Variants in DAB1 observed in about 807,000 individuals in gnomAD.
DAB1 encodes the protein DAB adaptor protein 1.
In DAB1, 15 loss-of-function variants were observed where a neutral mutation model predicts 64.6. The observed-to-expected ratio is 0.23, with a 90% confidence interval of 0.16 to 0.36. The LOEUF is 0.36. Ranked by LOEUF, DAB1 falls within the 10% of genes least tolerant of loss-of-function variation. The pLI is 1.00. For synonymous variants in DAB1, 235 were observed against 251.9 expected, an observed-to-expected ratio of 0.93 and a Z score of 0.64; for missense variants, 596 against 706.7, an observed-to-expected ratio of 0.84 and a Z score of 1.78.
chr1:58,407,581 A>ACAG, intron 3 of DAB1, among the ~76,000 whole-genome samples: 2 of 152,264 alleles, frequency 1.3e-5, no homozygotes, highest in African/African-American at 4.8e-5. Flanking sequence ...TAAGTATCCC[A>ACAG]CAGTGCACAA....
At chr1:57,386,999 G>A (rs1681924734) in intron 1 of DAB1, 1 of 152,094 alleles carries the variant, frequency 6.6e-6, no homozygotes, top group Non-Finnish European at 1.5e-5. Flanking sequence ...TCTCAGCAGT[G>A]GAATCAGCAT....
At chr1:58,074,065 T>C (rs1235539152) in intron 5 of DAB1, among the ~76,000 whole-genome samples, 1 of 152,198 alleles carries the variant, frequency 6.6e-6, no homozygotes, top group African/African-American at 2.4e-5. Context: ...TCTGGACTTC[T>C]CAAATACATG....
chr1:57,904,919 T>C (rs1644528718), intron 5 of DAB1, among the ~76,000 whole-genome samples: 1 of 152,078 alleles, frequency 6.6e-6, no homozygotes, highest in Non-Finnish European at 1.5e-5. Context: ...ACAAGAATGA[T>C]AGAACTGAAT....
At chr1:57,660,726 C>T (rs1646376768) in intron 6 of DAB1, among the ~76,000 whole-genome samples, 1 of 152,206 alleles carries the variant, frequency 6.6e-6, no homozygotes. Flanking sequence ...AGCCACTTTG[C>T]TGGGGCCACC....
chr1:57,674,418 T>C (rs2101688029), intron 6 of DAB1, among the ~76,000 whole-genome samples: 1 of 152,326 alleles, frequency 6.6e-6, no homozygotes, highest in South Asian at 2.1e-4. Flanking sequence ...CATGAGCTTC[T>C]TTGGCAAGCA....
Position 57,423,912 on chromosome 1 carries a change from G to C in DAB1, c.-137+18C>G, listed in dbSNP as rs904400560. ...GCGCTGAACTCAAGGGTTGCCGCGC[G>C]CCCCCGCCGCGCCTCACCTCGCCTA... is the stretch of plus-strand genomic sequence containing the variant. On this transcript the variant is annotated intron_variant, in intron 1 of 14. Coordinates refer to ENST00000371236, the MANE Select transcript of DAB1 (RefSeq NM_001365792.1). 1 of 151,712 alleles carries C rather than the reference G, an allele frequency of 6.6e-6. No homozygotes were observed. Among genetic ancestry groups the C allele is most frequent in the Non-Finnish European group, 1.5e-5 (1 of 67,832 alleles). 9.4% of individuals were successfully genotyped at this position (151,712 alleles called of 1,614,324 possible).
chr1:58,248,526 C>T (rs1660656560), intron 4 of DAB1, among the ~76,000 whole-genome samples: 1 of 152,046 alleles, frequency 6.6e-6, no homozygotes, highest in African/African-American at 2.4e-5. Flanking sequence ...CTGGGAACAC[C>T]TCTAGATTTT....
intron 7 of DAB1, among the ~76,000 whole-genome samples, chr1:57,598,725 C>T (rs562082124): frequency 6.6e-6 from 1 of 152,042 alleles, no homozygotes; most frequent in South Asian, 2.1e-4. Context: ...AGAAAGCTTC[C>T]GAGAGACAGT....
At chr1:57,067,678 G>A (rs566944352) in intron 8 of DAB1, among the ~76,000 whole-genome samples, 1 of 152,020 alleles carries the variant, frequency 6.6e-6, no homozygotes, top group Non-Finnish European at 1.5e-5. Context: ...ACAGAAAAGG[G>A]TCTTGCCTGA....
chr1:58,379,851 C>T (rs1421129709), intron 3 of DAB1, among the ~76,000 whole-genome samples: 1 of 152,154 alleles, frequency 6.6e-6, no homozygotes, highest in Admixed American at 6.5e-5. Context: ...CAGTATTTTT[C>T]TCCCCATCTT....
At chr1:57,823,016 A>G (rs1351329712), downstream of DAB1, among the ~76,000 whole-genome samples, 1 of 138,004 alleles carries the variant, frequency 7.2e-6, no homozygotes, top group Non-Finnish European at 1.5e-5. Flanking sequence ...ATGGAGTCTC[A>G]CTCTGTCACC....
At chr1:57,230,688 T>G (rs554709764) in intron 2 of DAB1, among the ~76,000 whole-genome samples, 1 of 152,092 alleles carries the variant, frequency 6.6e-6, no homozygotes, top group South Asian at 2.1e-4. Flanking sequence ...GACACATATA[T>G]ATAATGTGTA....
At chr1:57,506,502 A>T in intron 7 of DAB1, among the ~76,000 whole-genome samples, 1 of 152,244 alleles carries the variant, frequency 6.6e-6, no homozygotes, top group East Asian at 1.9e-4. Context: ...GCATAAATTT[A>T]CTGAATCAGT....
At chr1:58,298,614 G>A (rs1341868454) in intron 4 of DAB1, among the ~76,000 whole-genome samples, 1 of 152,222 alleles carries the variant, frequency 6.6e-6, no homozygotes, top group Admixed American at 6.5e-5. Context: ...AGGTCTGGAT[G>A]CAATTTGTCA....
At chr1:58,054,454 T>G (rs1163027904) in intron 5 of DAB1, among the ~76,000 whole-genome samples, 1 of 152,210 alleles carries the variant, frequency 6.6e-6, no homozygotes, top group Non-Finnish European at 1.5e-5. Context: ...AGATACTCTA[T>G]TTAAAAGCAT....
chr1:57,871,497 G>T (rs1039212404), intron 1 of DAB1, among the ~76,000 whole-genome samples: 3 of 152,136 alleles, frequency 2.0e-5, no homozygotes, highest in African/African-American at 7.2e-5. Flanking sequence ...TCATCTGATT[G>T]TAGAACCTGC....
rs185387351 is a variant in DAB1, at chr1:57,752,786, C to G, written n.552-103121G>C. ...CTTAACATCTGATAAACTGAAGTAACAGAATCTAATTTATACAGTTCTTGT... is the reference window on the plus strand; with the variant it reads ...CTTAACATCTGATAAACTGAAGTAAGAGAATCTAATTTATACAGTTCTTGT... On this transcript the variant is annotated intron_variant and non_coding_transcript_variant, in intron 6 of 20. Coordinates refer to the DAB1 transcript ENST00000485760. Among the ~76,000 whole-genome samples, 408 of 152,260 alleles carry G rather than the reference C, an allele frequency of 2.7e-3. 1 individual carries two copies. The highest frequency in any genetic ancestry group is 9.2e-3 in the African/African-American group (382 of 41,542).
At chr1:58,161,961 G>GC (rs1655561216) in intron 4 of DAB1, among the ~76,000 whole-genome samples, 1 of 152,104 alleles carries the variant, frequency 6.6e-6, no homozygotes, top group Admixed American at 6.6e-5. Flanking sequence ...GGGTACAAAA[G>GC]CAACAACATG....
At chr1:57,217,267 G>C (rs1666498971) in intron 2 of DAB1, among the ~76,000 whole-genome samples, 1 of 152,122 alleles carries the variant, frequency 6.6e-6, no homozygotes, top group Non-Finnish European at 1.5e-5. Context: ...TGAAGATAAG[G>C]ATATTTAAAT....
Sources: allele counts gnomAD v4.1 joint callset (sites outside exome capture counted in the v4.1 genomes callset), GRCh38; gene constraint gnomAD v4.1.1; transcripts MANE v1.5; gene names NCBI Gene and HGNC (gene_info 2026-07-23, HGNC 2026-07-21).